Variants in RALGAPA2 observed in about 807,000 individuals in gnomAD.
RALGAPA2 encodes Ral GTPase activating protein catalytic subunit alpha 2.
A neutral mutation model predicts 230.4 loss-of-function variants in RALGAPA2; 139 were observed. The observed-to-expected ratio is 0.60, with a 90% CI of 0.53 to 0.69. The LOEUF (loss-of-function observed/expected upper bound fraction) is 0.69. Among genes scored for constraint, RALGAPA2 ranks in the 30% least tolerant of loss-of-function variants. The pLI, the probability that RALGAPA2 is intolerant of heterozygous loss-of-function variation, is 0.00. For missense variants in RALGAPA2, 2,163 were observed against 2,276.0 expected (o/e 0.95, Z 1.01); for synonymous variants, 847 against 837.8 (o/e 1.01, Z -0.19).
intron 37 of RALGAPA2, among the ~76,000 whole-genome samples, chr20:20,413,972 T>C (rs553243147): frequency 6.6e-6 from 1 of 152,368 alleles, no homozygotes; most frequent in Admixed American, 6.5e-5. Context: ...AACACACTTA[T>C]TCTGCACAGC....
intron 14 of RALGAPA2, among the ~76,000 whole-genome samples, chr20:20,608,410 T>C (rs2065885912): frequency 6.6e-6 from 1 of 152,204 alleles, no homozygotes; most frequent in African/African-American, 2.4e-5. Flanking sequence ...GCAGTCACCA[T>C]TATTTGGTAA....
intron 35 of RALGAPA2, 117 bp downstream of exon 35, chr20:20,503,234 T>C: frequency 9.9e-7 from 1 of 1,014,416 alleles, no homozygotes; most frequent in Non-Finnish European, 1.3e-6. Context: ...AATCTCAGGG[T>C]CGTAGAGTTC....
At chr20:20,522,080 T>C (rs1196779518) in intron 30 of RALGAPA2, among the ~76,000 whole-genome samples, 1 of 152,096 alleles carries the variant, frequency 6.6e-6, no homozygotes, top group Non-Finnish European at 1.5e-5. Context: ...TAATTTCTAG[T>C]AGCCAAAATG....
At chr20:20,558,925 T>C (rs766651506) in intron 23 of RALGAPA2, among the ~76,000 whole-genome samples, 6 of 152,080 alleles carry the variant, frequency 3.9e-5, no homozygotes, top group Non-Finnish European at 7.4e-5. Flanking sequence ...CTCTCAGGTT[T>C]GGGTGAAAAT....
chr20:20,546,242 C>T (rs2063771451), intron 24 of RALGAPA2, among the ~76,000 whole-genome samples: 1 of 152,014 alleles, frequency 6.6e-6, no homozygotes, highest in South Asian at 2.1e-4. Context: ...TAAGAGAATA[C>T]ATATTTACTT....
At position 20,511,241 on chromosome 20, in the gene RALGAPA2, T is replaced by C. The variant is rs757716031; in HGVS notation, c.4928+13A>G. ...CAAACAGGAAAAAAGTGGTTTGATA[T>C]ACTTTCACATACCACTGGCGGGAGT... On this transcript the variant is annotated intron_variant, in intron 33 of 39. Coordinates refer to ENST00000202677, the MANE Select transcript of RALGAPA2 (RefSeq NM_020343.4). The C allele has an allele frequency of 6.4e-7, 1 of 1,568,816 alleles. No individual in the cohort carries two copies. Among genetic ancestry groups the C allele is most frequent in the South Asian group, 1.2e-5 (1 of 83,338 alleles).
chr20:20,708,115 A>G (rs1475471054), intron 1 of RALGAPA2, among the ~76,000 whole-genome samples: 2 of 152,206 alleles, frequency 1.3e-5, no homozygotes, highest in Non-Finnish European at 2.9e-5. Context: ...TGTAAAAAAT[A>G]CTGATAGCAT....
intron 1 of RALGAPA2, among the ~76,000 whole-genome samples, chr20:20,696,693 G>A (rs1029702543): frequency 2.6e-5 from 4 of 151,020 alleles, no homozygotes; most frequent in Non-Finnish European, 5.9e-5. Flanking sequence ...CTCAGATCCT[G>A]GTACTTACTG....
At chr20:20,493,825 G>A (rs1232902260) in intron 36 of RALGAPA2, among the ~76,000 whole-genome samples, 4 of 152,048 alleles carry the variant, frequency 2.6e-5, no homozygotes, top group Non-Finnish European at 1.5e-5. Flanking sequence ...AAAACTTCAC[G>A]CACATGGAGA....
At chr20:20,498,024 T>C (rs1270863167) in intron 35 of RALGAPA2, among the ~76,000 whole-genome samples, 2 of 152,166 alleles carry the variant, frequency 1.3e-5, no homozygotes, top group African/African-American at 4.8e-5. Flanking sequence ...ATAAATAAAA[T>C]TCATCTGGGC....
chr20:20,634,159 T>C (rs1435007390), intron 9 of RALGAPA2, among the ~76,000 whole-genome samples: 1 of 152,062 alleles, frequency 6.6e-6, no homozygotes, highest in Non-Finnish European at 1.5e-5. Flanking sequence ...TTTTTTTTTT[T>C]CAGTTCAGAT....
At chr20:20,642,041 C>G (rs1006828622) in intron 5 of RALGAPA2, among the ~76,000 whole-genome samples, 4 of 148,878 alleles carry the variant, frequency 2.7e-5, no homozygotes, top group African/African-American at 1.0e-4. Context: ...CCCACTCACA[C>G]CTGTCCTCCT....
intron 36 of RALGAPA2, among the ~76,000 whole-genome samples, chr20:20,485,495 T>C (rs2061888744): frequency 6.6e-6 from 1 of 152,242 alleles, no homozygotes; most frequent in African/African-American, 2.4e-5. Flanking sequence ...TCATTGTCCT[T>C]ATTGTTTTCT....
intron 37 of RALGAPA2, among the ~76,000 whole-genome samples, chr20:20,428,674 T>A (rs1189512593): frequency 6.6e-6 from 1 of 151,788 alleles, no homozygotes; most frequent in Non-Finnish European, 1.5e-5. Flanking sequence ...CAGGTTCATC[T>A]TCTCTCAATC....
At chr20:20,571,745 G>T in intron 22 of RALGAPA2, 103 bp downstream of exon 22, 2 of 1,453,334 alleles carry the variant, frequency 1.4e-6, no homozygotes, top group Non-Finnish European at 9.4e-7. Flanking sequence ...GTAAGACCCA[G>T]CCTGTCTTCA....
At chr20:20,542,247 A>G (rs1199103238) in intron 24 of RALGAPA2, among the ~76,000 whole-genome samples, 1 of 152,228 alleles carries the variant, frequency 6.6e-6, no homozygotes, top group Non-Finnish European at 1.5e-5. Flanking sequence ...CCACTGCTCA[A>G]GGAAATAAGA....
chr20:20,589,870 G>A (rs2065235977), intron 17 of RALGAPA2, among the ~76,000 whole-genome samples: 3 of 150,254 alleles, frequency 2.0e-5, no homozygotes, highest in South Asian at 4.2e-4. Flanking sequence ...ATAATCTGGG[G>A]GCAATAAATT....
At position 20,649,866 on chromosome 20, in the gene RALGAPA2, C is replaced by T. The variant is rs1568703317; in HGVS notation, c.328+3664G>A. 5.9e-5 allele frequency among the ~76,000 whole-genome samples: 9 copies of T among 152,204 alleles called. No homozygotes were observed. The South Asian group carries it at 1.9e-3, about 32-fold the overall frequency. ...AGTGCGATTCTTTGCCATTGCCTCA[C>T]TCTCTATCAGTTCTAATTATTGCCC... On this transcript the variant is annotated intron_variant, in intron 4 of 39. Transcript: ENST00000202677.
chr20:20,582,828 G>C (rs1236045460), intron 20 of RALGAPA2, among the ~76,000 whole-genome samples: 1 of 152,168 alleles, frequency 6.6e-6, no homozygotes, highest in East Asian at 1.9e-4. Flanking sequence ...ACATGTATGA[G>C]TTGGAAAAAT....
Sources: gnomAD v4.1 joint callset for allele counts (sites outside exome capture counted in the v4.1 genomes callset) on GRCh38, gnomAD v4.1.1 for gene constraint, MANE v1.5 for transcripts, NCBI Gene and HGNC (gene_info 2026-07-23, HGNC 2026-07-21) for gene names.